XRCC3: variants seen among roughly 807,000 people sequenced by gnomAD.
XRCC3 encodes the protein X-ray repair cross complementing 3.
XRCC3 carries 34 observed loss-of-function variants against 29.2 expected under a neutral mutation model. The observed-to-expected ratio is 1.16, with a 90% confidence interval of 0.88 to 1.55. XRCC3 has a LOEUF of 1.55. XRCC3 is among the 40% of genes most tolerant of loss of function. The pLI, the probability that XRCC3 is intolerant of heterozygous loss-of-function variation, is 0.00. For missense variants in XRCC3, 463 were observed against 467.6 expected (o/e 0.99, Z 0.09); for synonymous variants, 223 against 211.3 (o/e 1.06, Z -0.48).
rs1169944170 is a variant in XRCC3, at chr14:103,707,029, G to A, written c.380C>T (p.Pro127Leu). Residue 127 changes from proline (P) to leucine (L), a missense_variant, in exon 6 of 10, where the codon CCG becomes CTG. Pro to Leu is a moderately conservative substitution (Grantham distance 98). Coordinates refer to ENST00000555055, the MANE Select transcript of XRCC3 (RefSeq NM_005432.4). ...ALQLCLAVQFPRQHGGLEAGA... is the reference protein window; with the variant it reads ...ALQLCLAVQFLRQHGGLEAGA... ...AGCCTCCAGGCCTCCGTGCTGCCGC[G>A]GGAACTGCACAGCCAGGCAGAGCTG... is the stretch of plus-strand genomic sequence containing the variant. The A allele has an allele frequency of 1.1e-5, 17 of 1,565,332 alleles. No homozygotes were observed. The highest frequency in any genetic ancestry group is 1.8e-5 in the Admixed American group (1 of 54,448).
Position 103,707,091 on chromosome 14 carries a change from G to C in XRCC3, c.318C>G (p.Ala106=), listed in dbSNP as rs368062647. 11 of 1,555,962 alleles carry C rather than the reference G, an allele frequency of 7.1e-6. No homozygotes were observed. In the South Asian group the frequency reaches 1.1e-4, roughly 15 times the overall value. ...GGGTCTTCCCTGCCGAGCTGCGTCC[G>C]GCCAGCTCAGTGATGCCGTCCAGGG... ...GLPLDGITEL[A]GRSSAGKTQL... is the part of the protein sequence containing the mutation. Residue 106 remains alanine, a synonymous_variant, in exon 6 of 10, where the codon GCC becomes GCG. Coordinates refer to ENST00000555055, the MANE Select transcript of XRCC3 (RefSeq NM_005432.4).
intron 5 of XRCC3, chr14:103,707,428 C>T: frequency 1.6e-6 from 1 of 630,964 alleles, no homozygotes; most frequent in Admixed American, 2.5e-5. Context: ...AGGGGGAGCC[C>T]CAGGGCCACC....
chr14:103,703,780 C>G (rs1368697467), intron 6 of XRCC3: 1 of 238,090 alleles, frequency 4.2e-6, no homozygotes, highest in South Asian at 5.6e-5. Flanking sequence ...AGCGTTTCCT[C>G]TCTTCAAAGC....
intron 7 of XRCC3, chr14:103,700,510 C>A (rs556445310): frequency 8.6e-5 from 51 of 596,368 alleles, no homozygotes; most frequent in African/African-American, 8.5e-4. Context: ...GCAGCTCTGG[C>A]CAGATGGAGG....
chr14:103,709,868 G>C (rs557944801), intron 4 of XRCC3: 9 of 152,404 alleles, frequency 5.9e-5, no homozygotes, highest in Middle Eastern at 3.4e-3. Flanking sequence ...TGCAGCTGTG[G>C]CAGCAGCTGT....
At chr14:103,700,625 GA>G (rs751303416) in intron 7 of XRCC3, 101 of 1,590,870 alleles carry the variant, frequency 6.3e-5, no homozygotes, top group Non-Finnish European at 8.1e-5. Context: ...TGCACGCCCT[GA>G]GTGAAACTCG....
At chr14:103,709,914 C>T (rs2083565067) in intron 4 of XRCC3, 1 of 152,292 alleles carries the variant, frequency 6.6e-6, no homozygotes, top group African/African-American at 2.4e-5. Flanking sequence ...TAAAAACCAA[C>T]AGCCAAGGAT....
chr14:103,708,377 G>T, intron 5 of XRCC3, 145 bp downstream of exon 5: 1 of 1,237,546 alleles, frequency 8.1e-7, no homozygotes, highest in Non-Finnish European at 1.1e-6. Context: ...GGACAAGCAA[G>T]ATGGGAACTC....
At chr14:103,705,451 C>T (rs534943920) in intron 6 of XRCC3, 3 of 152,500 alleles carry the variant, frequency 2.0e-5, no homozygotes, top group Non-Finnish European at 4.4e-5. Flanking sequence ...CCCAGCAGGC[C>T]TGGGAGAGCC....
Position 103,710,613 on chromosome 14 carries a change from CG to C in XRCC3, c.55+419del, listed in dbSNP as rs2083591248. ...AAAATTAGCCGGGCGTGGTGACTGGCGCCTGTAGTCCCAGCTACTCGGGAGG... is the reference window on the plus strand; with the variant it reads ...AAAATTAGCCGGGCGTGGTGACTGGCCCTGTAGTCCCAGCTACTCGGGAGG... On this transcript the variant is annotated intron_variant, in intron 4 of 9. Transcript: ENST00000555055. 8.8e-5 allele frequency: 15 copies of C among 169,986 alleles called. 1 individual carries two copies. The South Asian group carries it at 2.0e-3, about 23-fold the overall frequency. 10.5% of individuals were successfully genotyped at this position (169,986 alleles called of 1,614,324 possible). A position where few individuals can be genotyped will look rare whatever the true frequency, so the allele number is the denominator to read the frequency against.
intron 1 of XRCC3, among the ~76,000 whole-genome samples, chr14:103,714,939 C>T (rs527413933): frequency 1.3e-5 from 2 of 152,256 alleles, no homozygotes; most frequent in Non-Finnish European, 2.9e-5. Context: ...CCGCCTCGGC[C>T]TCCCAAAGTG....
At chr14:103,700,585 C>G (rs1172039842) in intron 7 of XRCC3, 6 of 1,290,592 alleles carry the variant, frequency 4.6e-6, no homozygotes, top group Non-Finnish European at 6.6e-6. Flanking sequence ...GGTGTCACGC[C>G]CGGAGCTCTG....
chr14:103,715,383 G>C (rs1400306613), intron 1 of XRCC3, 41 bp downstream of exon 1: 1 of 152,182 alleles, frequency 6.6e-6, no homozygotes, highest in Non-Finnish European at 1.5e-5. Flanking sequence ...GCTGCCGCCC[G>C]GCTCGCAGCC....
At chr14:103,701,084 C>T (rs2083159238) in intron 7 of XRCC3, 19 of 1,295,416 alleles carry the variant, frequency 1.5e-5, no homozygotes, top group Non-Finnish European at 2.1e-5. Context: ...CCAGCAACAC[C>T]CTCTTCTCTA....
chr14:103,699,609 C>T (rs2082942149), intron 7 of XRCC3, 33 bp from the exon 8 acceptor site: 1 of 1,609,516 alleles, frequency 6.2e-7, no homozygotes, highest in Non-Finnish European at 8.5e-7. Flanking sequence ...CTATGCTGGT[C>T]AGCAAGTCCC....
intron 7 of XRCC3, chr14:103,701,217 C>G (rs1303269490): frequency 1.3e-6 from 2 of 1,550,444 alleles, no homozygotes; most frequent in Non-Finnish European, 1.7e-6. Context: ...CGACCTGGCC[C>G]CGCTCCAGGA....
At chr14:103,703,048 G>A in intron 7 of XRCC3, 125 bp downstream of exon 7, 2 of 1,436,252 alleles carry the variant, frequency 1.4e-6, no homozygotes, top group African/African-American at 1.4e-5. Context: ...CCCATGCTGT[G>A]TTCAGAGCTG....
chr14:103,700,718 C>T (rs201557316), intron 7 of XRCC3: 35 of 1,600,404 alleles, frequency 2.2e-5, no homozygotes, highest in Non-Finnish European at 2.8e-5. Context: ...TGGAAGACGC[C>T]ACCGCTAACG....
At chr14:103,706,724 G>C (rs2083449549) in intron 6 of XRCC3, 1 of 511,376 alleles carries the variant, frequency 2.0e-6, no homozygotes, top group South Asian at 2.0e-5. Context: ...CGGCATCGCT[G>C]TGCTCAGCCA....
Sources: allele counts gnomAD v4.1 joint callset (sites outside exome capture counted in the v4.1 genomes callset), GRCh38; gene constraint gnomAD v4.1.1; transcripts MANE v1.5; gene names NCBI Gene and HGNC (gene_info 2026-07-23, HGNC 2026-07-21).